The following NUSAP1 variants were observed in gnomAD, a reference collection of about 807,000 sequenced individuals.
NUSAP1 encodes the protein nucleolar and spindle associated protein 1.
In NUSAP1, 32 loss-of-function variants were observed where a neutral mutation model predicts 52.8. The ratio of observed to expected loss-of-function variants is 0.61; its 90% confidence interval spans 0.46 to 0.81. The LOEUF (loss-of-function observed/expected upper bound fraction) is 0.81. NUSAP1 is among the 40% of genes least tolerant of loss of function. The pLI, the probability that NUSAP1 is intolerant of heterozygous loss-of-function variation, is 0.00. For missense variants in NUSAP1, 499 were observed against 522.3 expected (o/e 0.96, Z 0.43); for synonymous variants, 195 against 183.1 (o/e 1.06, Z -0.52).
At chr15:41,350,317 ACT>A (rs2048732873) in intron 3 of NUSAP1, among the ~76,000 whole-genome samples, 1 of 152,206 alleles carries the variant, frequency 6.6e-6, no homozygotes, top group East Asian at 1.9e-4. Flanking sequence ...ATAACTTGTG[ACT>A]TAGCCAGTGG....
chr15:41,376,261 G>C (rs542029149), intron 9 of NUSAP1, among the ~76,000 whole-genome samples: 2 of 151,496 alleles, frequency 1.3e-5, no homozygotes, highest in African/African-American at 4.9e-5. Flanking sequence ...TTAGCCTGGC[G>C]TGGTGGCGGC....
chr15:41,350,905 C>A, intron 3 of NUSAP1, 83 bp from the exon 4 acceptor site: 1 of 1,205,144 alleles, frequency 8.3e-7, no homozygotes, highest in Non-Finnish European at 1.1e-6. Context: ...AACCCCTTTT[C>A]CCCCTCACTT....
At chr15:41,355,994 G>T (rs951170750) in intron 4 of NUSAP1, 45 bp from the exon 5 acceptor site, 1 of 1,270,136 alleles carries the variant, frequency 7.9e-7, no homozygotes, top group South Asian at 1.3e-5. Flanking sequence ...TTCTTAATGA[G>T]AACTTTTTTG....
Position 41,361,507 on chromosome 15 carries a change from G to A in NUSAP1, c.660+3249G>A, listed in dbSNP as rs2049178218. Among the ~76,000 whole-genome samples, 7 of 152,004 alleles carry A rather than the reference G, an allele frequency of 4.6e-5. No homozygotes were observed. In the South Asian group the frequency reaches 1.5e-3, roughly 31 times the overall value. On this transcript the variant is annotated intron_variant, in intron 6 of 10. Transcript: ENST00000559596. ...AGGGTTAGGCCGAAGGATCACTTGA[G>A]CCCCAGTGTTGAAGACCAACCTGGG...
Position 41,377,309 on chromosome 15 carries a change from G to C in NUSAP1, c.1232+5G>C. 1.5e-6 allele frequency: 2 copies of C among 1,356,040 alleles called. No homozygotes were observed. The highest frequency in any genetic ancestry group is 2.0e-6 in the Non-Finnish European group (2 of 983,238). The allele number at this position is 1,356,040 out of a possible 1,614,324, so 84.0% of individuals were successfully genotyped here. ...ACAACCCCATCTCCAGACAAAGTAA[G>C]TACATAATTATCCAGCTTTATAATT... is the stretch of plus-strand genomic sequence containing the variant. On this transcript the variant is annotated splice_donor_5th_base_variant and intron_variant, in intron 10 of 10. Coordinates refer to ENST00000559596, the MANE Select transcript of NUSAP1 (RefSeq NM_016359.5).
intron 6 of NUSAP1, among the ~76,000 whole-genome samples, chr15:41,362,419 C>CTTTT (rs71104787): frequency 7.6e-6 from 1 of 131,082 alleles, no homozygotes; most frequent in South Asian, 2.4e-4. Flanking sequence ...TATTGTTTAT[C>CTTTT]TTTTTTTTTT....
At position 41,365,409 on chromosome 15, in the gene NUSAP1, C is replaced by T. The variant is rs190224692; in HGVS notation, c.668C>T (p.Pro223Leu). The change falls in exon 7 of 11, where the codon CCC becomes CTC. Residue 223 changes from proline (P) to leucine (L), a missense_variant. Pro to Leu is a moderately conservative substitution (Grantham distance 98, BLOSUM62 -3). Coordinates refer to ENST00000559596, the MANE Select transcript of NUSAP1 (RefSeq NM_016359.5). ...HNSMNELKQQ[P>L]INKGGVRTPV... ...GATGCATTTTCTCTTCAGCAGCAGC[C>T]CATCAATAAGGGAGGGGTCAGGACT... The T allele has an allele frequency of 4.6e-5, 74 of 1,604,042 alleles. No homozygotes were observed. In the Admixed American group the frequency reaches 1.2e-3, roughly 25 times the overall value.
chr15:41,376,212 A>G (rs1036694703), intron 9 of NUSAP1, among the ~76,000 whole-genome samples: 9 of 151,234 alleles, frequency 6.0e-5, no homozygotes, highest in African/African-American at 2.2e-4. Flanking sequence ...CCTGGCCAAC[A>G]TGGTGAAACC....
chr15:41,360,091 T>C (rs942325118), intron 6 of NUSAP1, among the ~76,000 whole-genome samples: 2 of 152,008 alleles, frequency 1.3e-5, no homozygotes, highest in Non-Finnish European at 2.9e-5. Context: ...CCCAAGTAGT[T>C]GGGATTACAG....
At chr15:41,379,106 C>T (rs1313916479) in intron 10 of NUSAP1, among the ~76,000 whole-genome samples, 2 of 151,136 alleles carry the variant, frequency 1.3e-5, no homozygotes, top group East Asian at 3.9e-4. Context: ...GGTTCCCGCC[C>T]CCGCGTGCAG....
At chr15:41,347,810 T>C (rs2048632549) in intron 2 of NUSAP1, among the ~76,000 whole-genome samples, 1 of 130,720 alleles carries the variant, frequency 7.6e-6, no homozygotes, top group Admixed American at 7.8e-5. Flanking sequence ...TGAGACTCCG[T>C]CTCAAAAAAA....
intron 10 of NUSAP1, among the ~76,000 whole-genome samples, chr15:41,378,944 G>GGTTTTTTTTTT (rs1253258207): frequency 1.9e-4 from 12 of 63,260 alleles, no homozygotes; most frequent in African/African-American, 8.4e-4. Context: ...ACTTATCTTG[G>GGTTTTTTTTTT]TTTTTTTTTT....
chr15:41,343,841 C>A (rs967979816), intron 2 of NUSAP1, among the ~76,000 whole-genome samples: 2 of 151,922 alleles, frequency 1.3e-5, no homozygotes, highest in Non-Finnish European at 2.9e-5. Flanking sequence ...TAGACAAGAA[C>A]TATTTTTGAA....
chr15:41,363,837 C>G (rs1384159724), intron 6 of NUSAP1, among the ~76,000 whole-genome samples: 2 of 152,150 alleles, frequency 1.3e-5, no homozygotes, highest in Non-Finnish European at 2.9e-5. Context: ...TGTGCCTTGA[C>G]AATATCTAAG....
rs952635315 is a variant in NUSAP1, at chr15:41,358,253, C to G, written c.655C>G (p.Leu219Val). 7.2e-7 allele frequency: 1 copy of G among 1,388,744 alleles called. No homozygotes were observed. Among genetic ancestry groups the G allele is most frequent in the East Asian group, 2.3e-5 (1 of 43,626 alleles). 86.0% of individuals were successfully genotyped at this position (1,388,744 alleles called of 1,614,324 possible). ...TGAAGAACACAATTCCATGAATGAA[C>G]TGAAGGTATGTAGATAAAATTATGT... ...HFEEHNSMNE[L>V]KQQPINKGGV... The change falls in exon 6 of 11, where the codon CTG becomes GTG. Residue 219 changes from leucine to valine, a missense_variant. Coordinates refer to ENST00000559596, the MANE Select transcript of NUSAP1 (RefSeq NM_016359.5).
chr15:41,376,893 G>A (rs901968415), intron 9 of NUSAP1, among the ~76,000 whole-genome samples: 1 of 151,174 alleles, frequency 6.6e-6, no homozygotes, highest in Non-Finnish European at 1.5e-5. Flanking sequence ...TGGGCAACAT[G>A]ATGAAACCCC....
chr15:41,357,295 G>A (rs1452037859), intron 5 of NUSAP1, among the ~76,000 whole-genome samples: 1 of 151,916 alleles, frequency 6.6e-6, no homozygotes, highest in Non-Finnish European at 1.5e-5. Flanking sequence ...TTGAACCTGT[G>A]AGGCAGAGGT....
intron 1 of NUSAP1, among the ~76,000 whole-genome samples, chr15:41,338,303 C>G (rs916757937): frequency 6.6e-6 from 1 of 152,130 alleles, no homozygotes; most frequent in African/African-American, 2.4e-5. Context: ...TAGGACCTCT[C>G]TCTCCCCTGG....
At chr15:41,334,216 TC>T in intron 1 of NUSAP1, among the ~76,000 whole-genome samples, 1 of 152,250 alleles carries the variant, frequency 6.6e-6, no homozygotes, top group African/African-American at 2.4e-5. Context: ...CCTCCTGGGT[TC>T]AAGCGATTCT....
Sources: gnomAD v4.1 joint callset for allele counts (sites outside exome capture counted in the v4.1 genomes callset) on GRCh38, gnomAD v4.1.1 for gene constraint, MANE v1.5 for transcripts, NCBI Gene and HGNC (gene_info 2026-07-23, HGNC 2026-07-21) for gene names.